TMEM45B: variants seen among roughly 807,000 people sequenced by gnomAD.
TMEM45B encodes transmembrane protein 45B.
Under a neutral mutation model 27.3 loss-of-function variants are expected in TMEM45B, and 29 were observed. That is an observed-to-expected ratio of 1.06 (90% CI 0.79 to 1.45). The LOEUF (loss-of-function observed/expected upper bound fraction) is 1.45, where lower values mean the gene tolerates loss of function less well. Among genes scored for constraint, TMEM45B ranks in the 40% most tolerant of loss-of-function variants. The pLI, the probability that TMEM45B is intolerant of heterozygous loss-of-function variation, is 0.00. For synonymous variants in TMEM45B, 143 were observed against 134.7 expected, an observed-to-expected ratio of 1.06 and a Z score of -0.43; for missense variants, 348 against 343.9, an observed-to-expected ratio of 1.01 and a Z score of -0.09.
chr11:129,858,812 C>G lies in TMEM45B; in HGVS notation c.*127C>G. The G allele has an allele frequency of 1.6e-6, 1 of 631,424 alleles. No homozygotes were observed. The highest frequency in any genetic ancestry group is 2.7e-6 in the Non-Finnish European group (1 of 373,994). 39.1% of individuals were successfully genotyped at this position (631,424 alleles called of 1,614,324 possible). A position where few individuals can be genotyped will look rare whatever the true frequency, so the allele number is the denominator to read the frequency against. ...TATATTTGCACCTCCTCATTCAACA[C>G]AGGGCTGGAGGTTCTACAACAGGAA... On this transcript the variant is annotated 3_prime_UTR_variant, in exon 6 of 6. Transcript: ENST00000281441.
chr11:129,836,575 G>T (rs899545988), intron 1 of TMEM45B, among the ~76,000 whole-genome samples: 2 of 152,138 alleles, frequency 1.3e-5, no homozygotes. Flanking sequence ...GATCTTTAAA[G>T]AAGTAATTAA....
At chr11:129,817,990 G>C (rs1490905768) in intron 1 of TMEM45B, among the ~76,000 whole-genome samples, 3 of 152,086 alleles carry the variant, frequency 2.0e-5, no homozygotes, top group Non-Finnish European at 4.4e-5. Flanking sequence ...GGTACTTATA[G>C]ACACATTCCA....
chr11:129,845,046 C>T (rs115010231), intron 1 of TMEM45B, among the ~76,000 whole-genome samples: 2 of 152,046 alleles, frequency 1.3e-5, no homozygotes, highest in South Asian at 2.1e-4. Context: ...TATATATATT[C>T]ATGCTTTGAA....
intron 1 of TMEM45B, among the ~76,000 whole-genome samples, chr11:129,834,827 AAAAGAG>A (rs1224403176): frequency 1.1e-4 from 16 of 145,116 alleles, no homozygotes; most frequent in African/African-American, 4.1e-4. Context: ...AAAAAAAAAA[AAAAGAG>A]AGAGAAACAT....
At chr11:129,818,903 T>C (rs193106407) in intron 1 of TMEM45B, among the ~76,000 whole-genome samples, 4 of 152,340 alleles carry the variant, frequency 2.6e-5, no homozygotes, top group Non-Finnish European at 5.9e-5. Context: ...CATTGGAGAA[T>C]TACAGCTAAA....
intron 1 of TMEM45B, chr11:129,828,388 A>G (rs1437037173): frequency 6.6e-6 from 1 of 152,220 alleles, no homozygotes; most frequent in Non-Finnish European, 1.5e-5. Context: ...GGAAATAACA[A>G]TGATGGCAGT....
intron 1 of TMEM45B, among the ~76,000 whole-genome samples, chr11:129,826,580 G>A (rs1398646471): frequency 2.3e-5 from 3 of 127,728 alleles, no homozygotes; most frequent in African/African-American, 8.1e-5. Flanking sequence ...GACCCTGAGA[G>A]GCTATGTGTC....
At chr11:129,833,652 G>A (rs1171710294) in intron 1 of TMEM45B, among the ~76,000 whole-genome samples, 1 of 152,098 alleles carries the variant, frequency 6.6e-6, no homozygotes, top group African/African-American at 2.4e-5. Flanking sequence ...GCGGACACCT[G>A]TAATCCCAGC....
chr11:129,848,174 G>GGT (rs1947793637), intron 1 of TMEM45B, among the ~76,000 whole-genome samples: 1 of 152,166 alleles, frequency 6.6e-6, no homozygotes, highest in African/African-American at 2.4e-5. Flanking sequence ...GCAGCTGGGA[G>GGT]GTGGAGGTTG....
intron 1 of TMEM45B, among the ~76,000 whole-genome samples, chr11:129,852,120 C>T (rs1305352182): frequency 6.6e-6 from 1 of 152,134 alleles, no homozygotes; most frequent in African/African-American, 2.4e-5. Flanking sequence ...TTAAAAGATG[C>T]TTATATAGCT....
At chr11:129,854,850 G>C in intron 3 of TMEM45B, 34 bp downstream of exon 3, 7 of 1,597,356 alleles carry the variant, frequency 4.4e-6, no homozygotes, top group Middle Eastern at 1.7e-4. Context: ...AGGAAGGAGA[G>C]CCTGACAAGT....
In TMEM45B at chr11:129,855,755, C is replaced by A; in HGVS notation, c.433C>A (p.His145Asn). 6.2e-6 allele frequency: 10 copies of A among 1,614,158 alleles called. No individual in the cohort carries two copies. Among genetic ancestry groups the A allele is most frequent in the South Asian group, 1.1e-5 (1 of 91,084 alleles). ...CCACAACCGGCCTCCGCTGGACCAGCACATCCACTCACTCCTGCTGTATGC... is the reference window on the plus strand; with the variant it reads ...CCACAACCGGCCTCCGCTGGACCAGAACATCCACTCACTCCTGCTGTATGC... ...HVHNRPPLDQ[H>N]IHSLLLYALF... Residue 145 changes from histidine to asparagine, a missense_variant, in exon 4 of 6, where the codon CAC becomes AAC. Coordinates refer to ENST00000281441, the MANE Select transcript of TMEM45B (RefSeq NM_138788.5).
At chr11:129,848,714 T>C (rs1310813962) in intron 1 of TMEM45B, among the ~76,000 whole-genome samples, 2 of 152,224 alleles carry the variant, frequency 1.3e-5, no homozygotes, top group African/African-American at 2.4e-5. Context: ...TCAGTCTGCT[T>C]GTGCTGCTAC....
intron 3 of TMEM45B, among the ~76,000 whole-genome samples, chr11:129,855,215 T>C (rs909916036): frequency 2.0e-5 from 3 of 152,202 alleles, no homozygotes; most frequent in African/African-American, 7.2e-5. Flanking sequence ...TACACCCCTT[T>C]GGTTAAGCGA....
intron 1 of TMEM45B, among the ~76,000 whole-genome samples, chr11:129,843,421 C>T (rs1170647029): frequency 6.6e-6 from 1 of 152,136 alleles, no homozygotes; most frequent in African/African-American, 2.4e-5. Context: ...TTCATATGTT[C>T]TAATGTATAC....
intron 1 of TMEM45B, among the ~76,000 whole-genome samples, chr11:129,845,220 T>C (rs1947742923): frequency 6.6e-6 from 1 of 151,978 alleles, no homozygotes; most frequent in East Asian, 1.9e-4. Flanking sequence ...TTTATTAGAG[T>C]GGCTTATTTA....
intron 1 of TMEM45B, among the ~76,000 whole-genome samples, chr11:129,833,156 C>T (rs1947572689): frequency 6.6e-6 from 1 of 151,668 alleles, no homozygotes; most frequent in Non-Finnish European, 1.5e-5. Context: ...TGGAGAGTTG[C>T]TTGAACCCGA....
intron 1 of TMEM45B, among the ~76,000 whole-genome samples, chr11:129,818,144 C>T (rs1947374598): frequency 6.6e-6 from 1 of 152,186 alleles, no homozygotes; most frequent in Non-Finnish European, 1.5e-5. Flanking sequence ...ACTCTTTTAA[C>T]CAGCTACCCC....
Position 129,854,131 on chromosome 11 carries a change from C to T in TMEM45B, c.179-479C>T, listed in dbSNP as rs148604596. 1.9e-4 allele frequency among the ~76,000 whole-genome samples: 29 copies of T among 152,276 alleles called. 1 individual carries two copies. In the East Asian group the frequency reaches 5.4e-3, roughly 28 times the overall value. ...GCCCTGCAGACACGCACCTGGGAGC[C>T]GCTTCCCTCCCTTGGCACGTACAGG... On this transcript the variant is annotated intron_variant, in intron 2 of 5. Coordinates refer to ENST00000281441, the MANE Select transcript of TMEM45B (RefSeq NM_138788.5).
Sources: allele counts gnomAD v4.1 joint callset (sites outside exome capture counted in the v4.1 genomes callset), GRCh38; gene constraint gnomAD v4.1.1; transcripts MANE v1.5; gene names NCBI Gene and HGNC (gene_info 2026-07-23, HGNC 2026-07-21).